CDC6: variants seen among roughly 807,000 people sequenced by gnomAD.
CDC6 encodes cell division cycle 6.
In CDC6, 46 loss-of-function variants were observed where a neutral mutation model predicts 60.2. The observed-to-expected ratio is 0.76, with a 90% CI of 0.60 to 0.98. CDC6 has a LOEUF of 0.98. Among genes scored for constraint, CDC6 ranks in the 50% least tolerant of loss-of-function variants. The pLI is 0.00. For missense variants in CDC6, 596 were observed against 652.9 expected (o/e 0.91, Z 0.95); for synonymous variants, 210 against 233.2 (o/e 0.90, Z 0.90).
rs151277108 is a variant in CDC6 at position 40,298,932 on chromosome 17, A to G, written c.1250-1896A>G. On this transcript the variant is annotated intron_variant, in intron 9 of 11. Coordinates refer to ENST00000209728, the MANE Select transcript of CDC6 (RefSeq NM_001254.4). ...AAAATAGACTTCTAAATTCCTTTCA[A>G]TTTTAAGATTCTTTTACTTGATCTG... Among the ~76,000 whole-genome samples the G allele has an allele frequency of 3.7e-3, 564 of 152,100 alleles. 4 individuals are homozygous for G. The highest frequency in any genetic ancestry group is 0.012 in the African/African-American group (507 of 41,496).
In CDC6 at chr17:40,291,310, C is replaced by A; in HGVS notation, c.431C>A (p.Ser144Tyr). Residue 144 changes from serine (S) to tyrosine (Y), a missense_variant, in exon 3 of 12, where the codon TCT becomes TAT. Transcript: ENST00000209728. ...SEQRCPLKKESACVRLFKQEG... is the reference protein window; with the variant it reads ...SEQRCPLKKEYACVRLFKQEG... ...CAGAGATGTCCACTGAAGAAAGAAT[C>A]TGCATGTGTGAGACTATTCAAGCAA... is the stretch of plus-strand genomic sequence containing the variant. The A allele has an allele frequency of 6.2e-7, 1 of 1,614,196 alleles. No individual in the cohort carries two copies. The highest frequency in any genetic ancestry group is 2.2e-5 in the East Asian group (1 of 44,888).
intron 1 of CDC6, 133 bp from the exon 2 acceptor site, chr17:40,289,275 T>C: frequency 1.3e-6 from 1 of 796,916 alleles, no homozygotes; most frequent in Non-Finnish European, 2.1e-6. Context: ...GAAGCAAAAG[T>C]GAATGCTAAA....
chr17:40,293,606 A>G lies in CDC6; in HGVS notation c.811A>G (p.Met271Val), dbSNP rs1181831659. The G allele has an allele frequency of 1.9e-6, 3 of 1,613,522 alleles. No homozygotes were observed. The highest frequency in any genetic ancestry group is 2.5e-6 in the Non-Finnish European group (3 of 1,179,520). ...KDMMRKLEKH[M>V]TAEKGPMIVL... is the part of the protein sequence containing the mutation. ...CATGATGAGGAAATTGGAAAAACAT[A>G]TGACTGCAGAGAAGGGCCCCATGAT... is the stretch of plus-strand genomic sequence containing the variant. Residue 271 changes from methionine to valine, a missense_variant, in exon 5 of 12, where the codon ATG becomes GTG. Physicochemically the swap from Met to Val is conservative, Grantham distance 21. Transcript: ENST00000209728.
chr17:40,291,091 C>T lies in CDC6; in HGVS notation c.212C>T (p.Pro71Leu), dbSNP rs778655061. The T allele has an allele frequency of 4.3e-6, 7 of 1,613,996 alleles. No individual in the cohort carries two copies. The South Asian group carries it at 5.5e-5, about 13-fold the overall frequency. ...DDNLCNTPHL[P>L]PCSPPKQGKK... The stretch of plus-strand genomic sequence containing the variant: ...AACCTATGCAACACTCCCCATTTAC[C>T]TCCTTGTTCTCCACCAAAGCAAGGC... Residue 71 changes from proline (P) to leucine (L), a missense_variant, in exon 3 of 12, where the codon CCT (proline) becomes CTT (leucine). Pro to Leu is a moderately conservative substitution (Grantham distance 98, BLOSUM62 -3). Coordinates refer to ENST00000209728, the MANE Select transcript of CDC6 (RefSeq NM_001254.4).
chr17:40,292,935 A>G (rs2032789421), intron 4 of CDC6, among the ~76,000 whole-genome samples: 1 of 151,850 alleles, frequency 6.6e-6, no homozygotes, highest in Non-Finnish European at 1.5e-5. Flanking sequence ...GTCTCAAAAA[A>G]AAAAAGAGTT....
intron 9 of CDC6, 86 bp from the exon 10 acceptor site, chr17:40,300,742 T>G: frequency 9.2e-7 from 1 of 1,087,026 alleles, no homozygotes; most frequent in Non-Finnish European, 1.4e-6. Context: ...TTCCTTTAGC[T>G]CAAACTTAGT....
intron 2 of CDC6, 107 bp downstream of exon 2, chr17:40,289,705 T>A: frequency 1.2e-4 from 33 of 272,232 alleles, no homozygotes; most frequent in East Asian, 2.1e-4. Context: ...TAAGACTTCT[T>A]TTTTTTTTTT....
Position 40,300,823 on chromosome 17 carries a change from T to C in CDC6, c.1250-5T>C. On this transcript the variant is annotated splice_region_variant and splice_polypyrimidine_tract_variant and intron_variant, in intron 9 of 11. Transcript: ENST00000209728. The stretch of plus-strand genomic sequence containing the variant: ...CGAATTAAGCTTGGCTTATTTACTT[T>C]ATAGGTAAATCACCTTCTGAGCCTC... 6.2e-7 allele frequency: 1 copy of C among 1,606,768 alleles called. No homozygotes were observed. Among genetic ancestry groups the C allele is most frequent in the Non-Finnish European group, 8.5e-7 (1 of 1,173,340 alleles).
intron 6 of CDC6, 138 bp downstream of exon 6, chr17:40,294,194 A>C: frequency 2.2e-6 from 2 of 914,340 alleles, no homozygotes; most frequent in Admixed American, 1.8e-5. Flanking sequence ...GACTATGTAC[A>C]TCTTACCTAA....
At chr17:40,294,098 A>G (rs756400830) in intron 6 of CDC6, 42 bp downstream of exon 6, 13 of 1,392,282 alleles carry the variant, frequency 9.3e-6, no homozygotes, top group Non-Finnish European at 1.3e-5. Context: ...GTTCTAAAGT[A>G]TTTTTTAAGA....
chr17:40,297,218 C>T lies in CDC6; in HGVS notation c.1249+451C>T, dbSNP rs4135022. On this transcript the variant is annotated intron_variant, in intron 9 of 11. Coordinates refer to ENST00000209728, the MANE Select transcript of CDC6 (RefSeq NM_001254.4). ...TTGGGAGGCCAAGGCGGGAGGATCG[C>T]TTGAGCCCAGGATTGTGAGACCAGC... 6.4e-4 allele frequency among the ~76,000 whole-genome samples: 98 copies of T among 152,262 alleles called. 1 individual carries two copies. In the East Asian group the frequency reaches 0.017, roughly 26 times the overall value.
chr17:40,299,091 T>C (rs533760856), intron 9 of CDC6, among the ~76,000 whole-genome samples: 1 of 150,746 alleles, frequency 6.6e-6, no homozygotes, highest in Admixed American at 6.6e-5. Context: ...ACAGAACACA[T>C]TTCTTTGTCT....
rs565509768 is a variant in CDC6 at position 40,291,821 on chromosome 17, C to T, written c.660+153C>T. ...AGTGCAGTGGCGCGATCTCGGCTCACTGCAAGCTCTGCCTCCCAGGTTCAC... is the reference window on the plus strand; with the variant it reads ...AGTGCAGTGGCGCGATCTCGGCTCATTGCAAGCTCTGCCTCCCAGGTTCAC... On this transcript the variant is annotated intron_variant, in intron 4 of 11. Coordinates refer to ENST00000209728, the MANE Select transcript of CDC6 (RefSeq NM_001254.4). Among the ~76,000 whole-genome samples the T allele has an allele frequency of 3.1e-3, 476 of 152,356 alleles. 2 individuals carry two copies. Among genetic ancestry groups the T allele is most frequent in the African/African-American group, 0.011 (454 of 41,592 alleles).
chr17:40,287,882 C>T lies in CDC6; in HGVS notation c.-222C>T, dbSNP rs943955101. ...GGGAGGTGGGAACGCTGTGGCCATTCGGATTTGGCGCGAGCGCGGCTGGAG... is the reference window on the plus strand; with the variant it reads ...GGGAGGTGGGAACGCTGTGGCCATTTGGATTTGGCGCGAGCGCGGCTGGAG... On this transcript the variant is annotated 5_prime_UTR_variant, in exon 1 of 12. Coordinates refer to ENST00000209728, the MANE Select transcript of CDC6 (RefSeq NM_001254.4). 6.5e-6 allele frequency: 1 copy of T among 152,868 alleles called. No homozygotes were observed. The highest frequency in any genetic ancestry group is 1.5e-5 in the Non-Finnish European group (1 of 68,224). The allele number at this position is 152,868 out of a possible 1,614,324, so 9.5% of individuals were successfully genotyped here. A position where few individuals can be genotyped will look rare whatever the true frequency, so the allele number is the denominator to read the frequency against.
rs1488443593 is a variant in CDC6, at chr17:40,300,810, G to A, written c.1250-18G>A. ...GTATTTTAGAAATCGAATTAAGCTT[G>A]GCTTATTTACTTTATAGGTAAATCA... On this transcript the variant is annotated intron_variant, in intron 9 of 11. Transcript: ENST00000209728. The A allele has an allele frequency of 6.3e-7, 1 of 1,577,204 alleles. No individual in the cohort carries two copies. The highest frequency in any genetic ancestry group is 1.7e-5 in the Admixed American group (1 of 59,950).
chr17:40,302,190 C>T lies in CDC6; in HGVS notation c.*189C>T. 3 of 596,398 alleles carry T rather than the reference C, an allele frequency of 5.0e-6. No individual in the cohort carries two copies. The allele number at this position is 596,398 out of a possible 1,614,324, so 36.9% of individuals were successfully genotyped here. ...TATCTTTGGGTCTTACTATTTTTAC[C>T]CATAAAAGTGACCAGGTAGACCCTT... On this transcript the variant is annotated 3_prime_UTR_variant, in exon 12 of 12. Coordinates refer to ENST00000209728, the MANE Select transcript of CDC6 (RefSeq NM_001254.4).
Position 40,293,560 on chromosome 17 carries a change from A to G in CDC6, c.765A>G (p.Val255=). ...AIAQEICQEE[V]SRPAGKDMMR... ...CTCAGGAGATTTGTCAGGAAGAGGTATCCAGGCCAGCTGGGAAGGACATGA... is the reference window on the plus strand; with the variant it reads ...CTCAGGAGATTTGTCAGGAAGAGGTGTCCAGGCCAGCTGGGAAGGACATGA... The change falls in exon 5 of 12, where the codon GTA becomes GTG. Residue 255 remains valine, a synonymous_variant. Coordinates refer to ENST00000209728, the MANE Select transcript of CDC6 (RefSeq NM_001254.4). 4 of 1,613,834 alleles carry G rather than the reference A, an allele frequency of 2.5e-6. No homozygotes were observed. Among genetic ancestry groups the G allele is most frequent in the Non-Finnish European group, 3.4e-6 (4 of 1,179,690 alleles).
At chr17:40,292,011 T>C (rs1007538449) in intron 4 of CDC6, among the ~76,000 whole-genome samples, 4 of 152,114 alleles carry the variant, frequency 2.6e-5, no homozygotes, top group Non-Finnish European at 5.9e-5. Flanking sequence ...CCTCCCAAAG[T>C]GTTGGGATTA....
intron 4 of CDC6, among the ~76,000 whole-genome samples, chr17:40,291,938 G>A (rs1023297954): frequency 1.3e-5 from 2 of 152,118 alleles, no homozygotes; most frequent in African/African-American, 2.4e-5. Context: ...TAGTAGAGAC[G>A]GGGTGTCACT....
Sources: allele counts gnomAD v4.1 joint callset (sites outside exome capture counted in the v4.1 genomes callset), GRCh38; gene constraint gnomAD v4.1.1; transcripts MANE v1.5; gene names NCBI Gene and HGNC (gene_info 2026-07-23, HGNC 2026-07-21).